ADARB2: variants seen among roughly 807,000 people sequenced by gnomAD.
ADARB2 encodes the protein inactive double-stranded RNA-specific editase B2.
ADARB2 carries 25 observed loss-of-function variants against 62.2 expected under a neutral mutation model. That is an observed-to-expected ratio of 0.40 (90% CI 0.29 to 0.56). The LOEUF (loss-of-function observed/expected upper bound fraction) is 0.56, where lower values mean the gene tolerates loss of function less well. Ranked by LOEUF, ADARB2 falls within the 20% of genes least tolerant of loss-of-function variation. ADARB2 has a pLI of 0.43. For synonymous variants in ADARB2, 572 were observed against 500.8 expected (o/e 1.14, Z -1.90); for missense variants, 1,071 against 1,077.4 (o/e 0.99, Z 0.08).
intron 3 of ADARB2, among the ~76,000 whole-genome samples, chr10:1,340,895 G>A (rs1310826903): frequency 3.3e-5 from 5 of 151,026 alleles, no homozygotes; most frequent in Non-Finnish European, 7.4e-5. Flanking sequence ...GCCCCACAGC[G>A]GCAATAACCA....
At chr10:1,226,293 T>C (rs1252495646) in intron 6 of ADARB2, among the ~76,000 whole-genome samples, 1 of 152,238 alleles carries the variant, frequency 6.6e-6, no homozygotes, top group Non-Finnish European at 1.5e-5. Flanking sequence ...GCATTGGTTA[T>C]TCAGTTATCC....
chr10:1,500,989 C>T (rs1451753562), intron 1 of ADARB2, among the ~76,000 whole-genome samples: 1 of 152,206 alleles, frequency 6.6e-6, no homozygotes, highest in Admixed American at 6.5e-5. Flanking sequence ...ATTCTCCTGC[C>T]TTAGCCTCCC....
intron 4 of ADARB2, among the ~76,000 whole-genome samples, chr10:1,243,916 G>A (rs1418464676): frequency 6.6e-6 from 1 of 152,184 alleles, no homozygotes; most frequent in African/African-American, 2.4e-5. Context: ...TGGTGGGACG[G>A]GACTGCTCCT....
Position 1,697,166 on chromosome 10 carries a change from C to A in ADARB2, c.100+39885G>T, listed in dbSNP as rs572484400. ...TGGGGGCTGCTCGGGCCTCTGTGTGCGAACACTGCTGTGGGTCTGGTTATT... is the reference window on the plus strand; with the variant it reads ...TGGGGGCTGCTCGGGCCTCTGTGTGAGAACACTGCTGTGGGTCTGGTTATT... On this transcript the variant is annotated intron_variant, in intron 1 of 9. Coordinates refer to ENST00000381312, the MANE Select transcript of ADARB2 (RefSeq NM_018702.4). Among the ~76,000 whole-genome samples the A allele has an allele frequency of 6.6e-5, 10 of 152,198 alleles. No individual in the cohort carries two copies. In the South Asian group the frequency reaches 1.7e-3, roughly 25 times the overall value.
chr10:1,283,629 TTGA>T (rs1307339856), intron 3 of ADARB2, among the ~76,000 whole-genome samples: 3 of 152,128 alleles, frequency 2.0e-5, no homozygotes, highest in East Asian at 1.9e-4. Flanking sequence ...TGGTGGAGTG[TTGA>T]TGATCGTGAG....
chr10:1,368,119 T>TTACAAGTTTGC (rs1554757018), intron 2 of ADARB2, among the ~76,000 whole-genome samples: 64 of 152,096 alleles, frequency 4.2e-4, no homozygotes, highest in Admixed American at 7.9e-4. Context: ...AGCGGTGGCC[T>TTACAAGTTTGC]CTGCATGGAG....
intron 1 of ADARB2, among the ~76,000 whole-genome samples, chr10:1,483,299 T>C (rs916753803): frequency 6.6e-6 from 1 of 152,236 alleles, no homozygotes; most frequent in African/African-American, 2.4e-5. Flanking sequence ...AGTTATTTTG[T>C]TAGTCATTTT....
intron 2 of ADARB2, among the ~76,000 whole-genome samples, chr10:1,374,507 C>T (rs1217985962): frequency 6.6e-6 from 1 of 152,214 alleles, no homozygotes; most frequent in Non-Finnish European, 1.5e-5. Flanking sequence ...CTTTTGCTTT[C>T]CAAGTGGAAG....
chr10:1,368,134 G>A, intron 2 of ADARB2, among the ~76,000 whole-genome samples: 1 of 146,868 alleles, frequency 6.8e-6, no homozygotes, highest in South Asian at 2.1e-4. Context: ...ATGGAGCTGT[G>A]GGGAACGGGG....
intron 5 of ADARB2, among the ~76,000 whole-genome samples, chr10:1,241,249 A>C (rs1830918244): frequency 6.6e-6 from 1 of 150,616 alleles, no homozygotes; most frequent in South Asian, 2.1e-4. Context: ...ACAGAGCAAG[A>C]CTCCATCTCA....
At chr10:1,227,068 C>A (rs548949403) in intron 6 of ADARB2, among the ~76,000 whole-genome samples, 1 of 152,364 alleles carries the variant, frequency 6.6e-6, no homozygotes, top group Non-Finnish European at 1.5e-5. Flanking sequence ...AGCTTCCAGG[C>A]TGCTTTGTTT....
At chr10:1,474,024 T>C (rs11250557) in intron 1 of ADARB2, among the ~76,000 whole-genome samples, 55 of 10,162 alleles carry the variant, frequency 5.4e-3, no homozygotes, top group South Asian at 0.013. Flanking sequence ...GACAGGGGGC[T>C]GGGTAGTTTC....
intron 1 of ADARB2, among the ~76,000 whole-genome samples, chr10:1,585,782 C>G (rs905071912): frequency 1.3e-5 from 2 of 152,212 alleles, no homozygotes; most frequent in African/African-American, 4.8e-5. Context: ...CACCTGTAAT[C>G]TCAGCACTTT....
chr10:1,404,896 C>A (rs563287462), intron 1 of ADARB2, among the ~76,000 whole-genome samples: 10 of 152,350 alleles, frequency 6.6e-5, no homozygotes, highest in African/African-American at 2.4e-4. Context: ...ACGCTTTCTA[C>A]ATTGGTCCTT....
intron 3 of ADARB2, among the ~76,000 whole-genome samples, chr10:1,297,978 T>G (rs73594144): frequency 0.07 from 10,622 of 152,246 alleles, 889 homozygotes; most frequent in African/African-American, 0.2. Context: ...AGAATAAACT[T>G]CTGTCATTTC....
intron 3 of ADARB2, among the ~76,000 whole-genome samples, chr10:1,351,004 TA>T (rs1293513973): frequency 6.6e-5 from 10 of 152,044 alleles, no homozygotes; most frequent in African/African-American, 2.4e-4. Context: ...CAGGCCCGTT[TA>T]CCCGAGAAGC....
At chr10:1,370,991 C>A (rs1262762051) in intron 2 of ADARB2, among the ~76,000 whole-genome samples, 5 of 152,170 alleles carry the variant, frequency 3.3e-5, no homozygotes, top group African/African-American at 1.2e-4. Context: ...CCCTGAATAG[C>A]TAAAGCAGTC....
At chr10:1,592,001 C>T (rs1475161280) in intron 1 of ADARB2, among the ~76,000 whole-genome samples, 5 of 152,226 alleles carry the variant, frequency 3.3e-5, no homozygotes, top group African/African-American at 7.2e-5. Context: ...GCAGGGGTTC[C>T]GGCTCTACGG....
intron 1 of ADARB2, among the ~76,000 whole-genome samples, chr10:1,670,538 G>T (rs1834371380): frequency 6.6e-6 from 1 of 152,198 alleles, no homozygotes; most frequent in Non-Finnish European, 1.5e-5. Context: ...GTCAGATGCT[G>T]ACCGGCAGCC....
Sources: gnomAD v4.1 joint callset for allele counts (sites outside exome capture counted in the v4.1 genomes callset) on GRCh38, gnomAD v4.1.1 for gene constraint, MANE v1.5 for transcripts, NCBI Gene and HGNC (gene_info 2026-07-23, HGNC 2026-07-21) for gene names.